PCDHAC1: variants seen among roughly 807,000 people sequenced by gnomAD.
PCDHAC1 encodes the protein protocadherin alpha-C1.
In PCDHAC1, 42 loss-of-function variants were observed where a neutral mutation model predicts 60.0. The ratio of observed to expected loss-of-function variants is 0.70; its 90% CI spans 0.55 to 0.90. The LOEUF (loss-of-function observed/expected upper bound fraction) is 0.90, where lower values mean the gene tolerates loss of function less well. Ranked by LOEUF, PCDHAC1 falls within the 40% of genes least tolerant of loss-of-function variation. The probability of loss-of-function intolerance (pLI) is 0.00; values close to 1 mark genes in which losing one functional copy is unlikely to be tolerated. For missense variants in PCDHAC1, 1,160 were observed against 1,222.3 expected, an observed-to-expected ratio of 0.95 and a Z score of 0.76; for synonymous variants, 468 against 499.3, an observed-to-expected ratio of 0.94 and a Z score of 0.84.
In PCDHAC1 at chr5:140,957,392, T is replaced by A. The variant is rs1035836709; in HGVS notation, c.2434-21557T>A. Among the ~76,000 whole-genome samples the A allele has an allele frequency of 2.6e-5, 4 of 152,222 alleles. No individual in the cohort carries two copies. In the East Asian group the frequency reaches 5.8e-4, roughly 22 times the overall value. ...TTATTATAGTGTATTGTTATAATTG[T>A]CCTAATTTATTATTATTGTTGTTAA... is the stretch of plus-strand genomic sequence containing the variant. On this transcript the variant is annotated intron_variant, in intron 1 of 3. Coordinates refer to ENST00000253807, the MANE Select transcript of PCDHAC1 (RefSeq NM_018898.5).
intron 1 of PCDHAC1, chr5:140,966,750 C>T: frequency 7.0e-7 from 1 of 1,428,438 alleles, no homozygotes; most frequent in African/African-American, 1.5e-5. Context: ...CGGCTGCCTC[C>T]GCCGCGGCCA....
At chr5:140,969,382 TC>T in intron 1 of PCDHAC1, 1 of 1,597,954 alleles carries the variant, frequency 6.3e-7, no homozygotes, top group Non-Finnish European at 8.5e-7. Flanking sequence ...TTGTTACACA[TC>T]CCCCAATATC....
intron 1 of PCDHAC1, chr5:140,929,684 A>C: frequency 3.4e-6 from 1 of 294,182 alleles, no homozygotes; most frequent in Non-Finnish European, 6.5e-6. Flanking sequence ...AATATGTAAG[A>C]GTCTGCTTTA....
intron 3 of PCDHAC1, among the ~76,000 whole-genome samples, chr5:140,989,450 T>C (rs1299416259): frequency 6.6e-6 from 1 of 152,208 alleles, no homozygotes; most frequent in Admixed American, 6.5e-5. Context: ...TTGTTTAGAA[T>C]TGTTAGGCTT....
Position 140,926,873 on chromosome 5 carries a change from C to T in PCDHAC1, c.-20C>T. 6.6e-7 allele frequency: 1 copy of T among 1,525,502 alleles called. No individual in the cohort carries two copies. The highest frequency in any genetic ancestry group is 8.8e-7 in the Non-Finnish European group (1 of 1,136,170). 94.5% of individuals were successfully genotyped at this position (1,525,502 alleles called of 1,614,324 possible). ...CCGTTGGTGTAGCGTGTTGGTGGAA[C>T]GTGGACGCCTAGAGGGAGGATGGTG... On this transcript the variant is annotated 5_prime_UTR_variant, in exon 1 of 4. In the 5' UTR this introduces an upstream ATG that the reference lacks. Coordinates refer to ENST00000253807, the MANE Select transcript of PCDHAC1 (RefSeq NM_018898.5).
rs1033428952 is a variant in PCDHAC1, at chr5:140,926,495, T to G, written c.-398T>G. 1.7e-5 allele frequency: 3 copies of G among 181,806 alleles called. No individual in the cohort carries two copies. The highest frequency in any genetic ancestry group is 3.4e-5 in the Non-Finnish European group (3 of 88,940). The allele number at this position is 181,806 out of a possible 1,614,324, so 11.3% of individuals were successfully genotyped here. On this transcript the variant is annotated 5_prime_UTR_variant, in exon 1 of 4. Coordinates refer to ENST00000253807, the MANE Select transcript of PCDHAC1 (RefSeq NM_018898.5). ...GTTTAAGGAGAGAAGTGTTAGTGTCTCGGGGCGTCTCCCAGGCTCCGCCCT... is the reference window on the plus strand; with the variant it reads ...GTTTAAGGAGAGAAGTGTTAGTGTCGCGGGGCGTCTCCCAGGCTCCGCCCT...
intron 2 of PCDHAC1, among the ~76,000 whole-genome samples, chr5:140,981,337 G>A (rs2096927522): frequency 6.6e-6 from 1 of 152,146 alleles, no homozygotes; most frequent in African/African-American, 2.4e-5. Context: ...ACTTTGGGAG[G>A]GTGAGGCAGG....
At chr5:140,998,287 G>A (rs1209811850) in intron 3 of PCDHAC1, among the ~76,000 whole-genome samples, 3 of 152,154 alleles carry the variant, frequency 2.0e-5, no homozygotes, top group Non-Finnish European at 4.4e-5. Flanking sequence ...GATTAAATCA[G>A]ATCACACATT....
At chr5:140,956,949 A>G (rs1027198370) in intron 1 of PCDHAC1, among the ~76,000 whole-genome samples, 5 of 140,514 alleles carry the variant, frequency 3.6e-5, no homozygotes, top group African/African-American at 1.3e-4. Flanking sequence ...TTTACATTAA[A>G]ACACTGTAAT....
At chr5:140,988,959 C>G (rs1308701267) in intron 3 of PCDHAC1, 3 of 152,056 alleles carry the variant, frequency 2.0e-5, no homozygotes, top group Non-Finnish European at 4.4e-5. Context: ...CCTTCAAGCC[C>G]CACGATGGAG....
chr5:141,004,311 C>T (rs2098161581), intron 3 of PCDHAC1, among the ~76,000 whole-genome samples: 1 of 152,210 alleles, frequency 6.6e-6, no homozygotes, highest in South Asian at 2.1e-4. Context: ...TTTTATACAA[C>T]AACCAGAACA....
intron 1 of PCDHAC1, among the ~76,000 whole-genome samples, chr5:140,940,147 GT>G (rs1459512201): frequency 6.6e-6 from 1 of 152,082 alleles, no homozygotes; most frequent in African/African-American, 2.4e-5. Flanking sequence ...AACTATTATA[GT>G]TTTTGTTTGC....
intron 1 of PCDHAC1, among the ~76,000 whole-genome samples, chr5:140,946,434 T>C (rs1554217579): frequency 2.0e-5 from 3 of 151,312 alleles, no homozygotes; most frequent in South Asian, 2.1e-4. Context: ...TACTCAAAAA[T>C]TGAGACTAAA....
chr5:140,978,703 G>C (rs556167285), intron 1 of PCDHAC1, among the ~76,000 whole-genome samples: 1 of 152,328 alleles, frequency 6.6e-6, no homozygotes, highest in East Asian at 1.9e-4. Context: ...AGCCAAAGGT[G>C]GCCTTTACAA....
Position 140,926,832 on chromosome 5 carries a change from G to C in PCDHAC1, c.-61G>C. 1 of 1,505,338 alleles carries C rather than the reference G, an allele frequency of 6.6e-7. No individual in the cohort carries two copies. The highest frequency in any genetic ancestry group is 8.9e-7 in the Non-Finnish European group (1 of 1,128,206). The allele number at this position is 1,505,338 out of a possible 1,614,324, so 93.2% of individuals were successfully genotyped here. ...GGCTCGTGCTCTCCAGGAGTCCGGA[G>C]CATGGTCCTGGGTCACCGTTGGTGT... On this transcript the variant is annotated 5_prime_UTR_variant, in exon 1 of 4. Coordinates refer to ENST00000253807, the MANE Select transcript of PCDHAC1 (RefSeq NM_018898.5).
Position 140,927,132 on chromosome 5 carries a change from G to C in PCDHAC1, c.240G>C (p.Pro80=). Residue 80 remains proline (P), a synonymous_variant, in exon 1 of 4, where the codon CCG becomes CCC. Transcript: ENST00000253807. The part of the protein sequence containing the change: ...LPSGNLVVRE[P]ADREQLCRAK... ...GCGGCAATTTGGTGGTCAGAGAGCC[G>C]GCGGACCGCGAACAGCTGTGCAGGG... The C allele has an allele frequency of 6.2e-7, 1 of 1,614,052 alleles. No homozygotes were observed. The highest frequency in any genetic ancestry group is 8.5e-7 in the Non-Finnish European group (1 of 1,179,968).
In PCDHAC1 at chr5:140,927,786, A is replaced by G. The variant is rs782728309; in HGVS notation, c.894A>G (p.Ser298=). 11 of 1,614,074 alleles carry G rather than the reference A, an allele frequency of 6.8e-6. No homozygotes were observed. The East Asian group carries it at 2.0e-4, about 29-fold the overall frequency. Residue 298 remains serine, a synonymous_variant, in exon 1 of 4, where the codon TCA becomes TCG. Transcript: ENST00000253807. ...PKSGEVQVAA[S]LGPPETLLEA... ...GTGGGGAGGTGCAAGTAGCTGCTTC[A>G]CTAGGTCCGCCTGAAACGCTCTTGG...
At chr5:141,000,900 G>T (rs1020896392) in intron 3 of PCDHAC1, among the ~76,000 whole-genome samples, 4 of 151,614 alleles carry the variant, frequency 2.6e-5, no homozygotes, top group African/African-American at 9.7e-5. Context: ...AGATATAGAC[G>T]CTGTCTCTAA....
At chr5:140,976,298 C>A (rs2096709941) in intron 1 of PCDHAC1, among the ~76,000 whole-genome samples, 1 of 152,036 alleles carries the variant, frequency 6.6e-6, no homozygotes, top group African/African-American at 2.4e-5. Context: ...AGCCTGTAAT[C>A]CCAGCACTTT....
Sources: allele counts gnomAD v4.1 joint callset (sites outside exome capture counted in the v4.1 genomes callset), GRCh38; gene constraint gnomAD v4.1.1; transcripts MANE v1.5; gene names NCBI Gene and HGNC (gene_info 2026-07-23, HGNC 2026-07-21).